GAREM1: variants seen among roughly 807,000 people sequenced by gnomAD.
The protein encoded by GAREM1 is GRB2 associated regulator of MAPK1 subtype 1.
In GAREM1, 26 loss-of-function variants were observed where a neutral mutation model predicts 71.3. The ratio of observed to expected loss-of-function variants is 0.36; its 90% CI spans 0.27 to 0.51. The LOEUF is 0.51. GAREM1 is among the 20% of genes least tolerant of loss of function. The pLI, the probability that GAREM1 is intolerant of heterozygous loss-of-function variation, is 0.95. For synonymous variants in GAREM1, 440 were observed against 433.2 expected, an observed-to-expected ratio of 1.02 and a Z score of -0.20; for missense variants, 1,026 against 1,103.1, an observed-to-expected ratio of 0.93 and a Z score of 0.99.
rs187927042 is a variant in GAREM1, at chr18:32,282,392, C to A, written c.1566+4639G>T. Among the ~76,000 whole-genome samples the A allele has an allele frequency of 3.5e-3, 534 of 152,268 alleles. 4 individuals are homozygous for A. The highest frequency in any genetic ancestry group is 0.012 in the African/African-American group (515 of 41,552). ...AGTGAGCCGAGATCGCACCACTGCG[C>A]TCCAGCCTGGTGACAGAGTTAGACT... On this transcript the variant is annotated intron_variant, in intron 4 of 5. Transcript: ENST00000269209.
chr18:32,446,430 G>A lies in GAREM1; in HGVS notation c.121+23878C>T, dbSNP rs192593573. ...CCTATAAACACAATTTCCATACAAT[G>A]TATTGCCCAATCCAAGACACTTCTG... is the stretch of plus-strand genomic sequence containing the variant. On this transcript the variant is annotated intron_variant, in intron 1 of 5. Transcript: ENST00000269209. Among the ~76,000 whole-genome samples, 421 of 152,254 alleles carry A rather than the reference G, an allele frequency of 2.8e-3. 2 individuals carry two copies. Among genetic ancestry groups the A allele is most frequent in the African/African-American group, 9.6e-3 (399 of 41,558 alleles).
In GAREM1 at chr18:32,268,783, C is replaced by A; in HGVS notation, c.1734-15G>T. 4 of 1,602,916 alleles carry A rather than the reference C, an allele frequency of 2.5e-6. No individual in the cohort carries two copies. The highest frequency in any genetic ancestry group is 2.6e-6 in the Non-Finnish European group (3 of 1,173,572). ...TAGTGACGCTGCTTAAAAGCAAACA[C>A]AGAAGGAGAAATCAGTTAAAAGAAA... is the stretch of plus-strand genomic sequence containing the variant. On this transcript the variant is annotated splice_polypyrimidine_tract_variant and intron_variant, in intron 5 of 5. Coordinates refer to ENST00000269209, the MANE Select transcript of GAREM1 (RefSeq NM_001242409.2).
Position 32,411,096 on chromosome 18 carries a change from C to T in GAREM1, c.122-18061G>A, listed in dbSNP as rs200740746. Among the ~76,000 whole-genome samples the T allele has an allele frequency of 5.3e-4, 80 of 152,328 alleles. 1 individual carries two copies. In the East Asian group the frequency reaches 0.014, roughly 26 times the overall value. ...GGGATTACAGGCATGAGCCACCGTG[C>T]CTGGTGACTTCGGTTTTATTTTCTT... On this transcript the variant is annotated intron_variant, in intron 1 of 5. Transcript: ENST00000269209.
intron 3 of GAREM1, among the ~76,000 whole-genome samples, chr18:32,307,003 A>C (rs2047262828): frequency 6.6e-6 from 1 of 152,232 alleles, no homozygotes; most frequent in Admixed American, 6.5e-5. Flanking sequence ...AATTAAAAAG[A>C]ATGTTTCATT....
At chr18:32,294,332 A>C (rs544970344) in intron 3 of GAREM1, among the ~76,000 whole-genome samples, 7 of 152,358 alleles carry the variant, frequency 4.6e-5, no homozygotes, top group Non-Finnish European at 1.0e-4. Context: ...GAAATGGGTA[A>C]AACAAATGTG....
intron 3 of GAREM1, among the ~76,000 whole-genome samples, chr18:32,305,093 A>G (rs2144508219): frequency 6.6e-6 from 1 of 152,270 alleles, no homozygotes; most frequent in South Asian, 2.1e-4. Flanking sequence ...AAGTAAACGA[A>G]AACAACATTC....
intron 2 of GAREM1, among the ~76,000 whole-genome samples, chr18:32,364,579 G>T (rs1188431860): frequency 6.6e-6 from 1 of 152,098 alleles, no homozygotes; most frequent in Non-Finnish European, 1.5e-5. Context: ...TAACAAACCT[G>T]CACAGCCTGC....
At chr18:32,401,570 T>C (rs1277147666) in intron 1 of GAREM1, among the ~76,000 whole-genome samples, 1 of 138,484 alleles carries the variant, frequency 7.2e-6, no homozygotes, top group African/African-American at 2.8e-5. Context: ...TGGGCTTAGA[T>C]AAGAGAGAGG....
At chr18:32,465,340 T>C (rs1204055482) in intron 1 of GAREM1, among the ~76,000 whole-genome samples, 1 of 152,172 alleles carries the variant, frequency 6.6e-6, no homozygotes, top group East Asian at 1.9e-4. Flanking sequence ...GAGAAAGACC[T>C]CTGATGTTTA....
chr18:32,357,250 G>A (rs2047815457), intron 2 of GAREM1, among the ~76,000 whole-genome samples: 1 of 152,200 alleles, frequency 6.6e-6, no homozygotes, highest in South Asian at 2.1e-4. Flanking sequence ...GCCGAAGCAG[G>A]AGGATCACTT....
At chr18:32,446,093 A>G (rs1207833430) in intron 1 of GAREM1, among the ~76,000 whole-genome samples, 3 of 152,212 alleles carry the variant, frequency 2.0e-5, no homozygotes, top group African/African-American at 7.2e-5. Flanking sequence ...AGAGCTGTGC[A>G]GCAGAAATCT....
intron 1 of GAREM1, among the ~76,000 whole-genome samples, chr18:32,424,921 C>T (rs545452211): frequency 2.0e-5 from 3 of 152,258 alleles, no homozygotes; most frequent in African/African-American, 4.8e-5. Context: ...ACAACATCCA[C>T]AGAGGCCAGC....
At chr18:32,463,561 T>A (rs1340970404) in intron 1 of GAREM1, among the ~76,000 whole-genome samples, 2 of 147,590 alleles carry the variant, frequency 1.4e-5, no homozygotes, top group Non-Finnish European at 3.0e-5. Flanking sequence ...GAGAGTTTTT[T>A]AAATCACTTT....
At chr18:32,407,297 G>A (rs1050131356) in intron 1 of GAREM1, among the ~76,000 whole-genome samples, 1 of 152,142 alleles carries the variant, frequency 6.6e-6, no homozygotes, top group South Asian at 2.1e-4. Flanking sequence ...GCCTGTCTCA[G>A]GGCCAATGGT....
In GAREM1 at chr18:32,412,560, C is replaced by T. The variant is rs547768759; in HGVS notation, c.122-19525G>A. ...GTCATTCCCACCGAAACCACCTCCA[C>T]GACCACCACCAAAGTTTCCAGAACC... On this transcript the variant is annotated intron_variant, in intron 1 of 5. Coordinates refer to ENST00000269209, the MANE Select transcript of GAREM1 (RefSeq NM_001242409.2). 15 of 1,595,604 alleles carry T rather than the reference C, an allele frequency of 9.4e-6. No homozygotes were observed. The South Asian group carries it at 9.9e-5, about 11-fold the overall frequency.
intron 1 of GAREM1, among the ~76,000 whole-genome samples, chr18:32,407,838 T>A (rs953224187): frequency 1.3e-5 from 2 of 152,114 alleles, no homozygotes; most frequent in African/African-American, 2.4e-5. Flanking sequence ...TAGACTTCAC[T>A]TTGGGTCTCT....
At chr18:32,445,082 G>A (rs1467447494) in intron 1 of GAREM1, among the ~76,000 whole-genome samples, 1 of 151,900 alleles carries the variant, frequency 6.6e-6, no homozygotes, top group Non-Finnish European at 1.5e-5. Flanking sequence ...ACAACCAACT[G>A]GGGTACATCT....
intron 2 of GAREM1, among the ~76,000 whole-genome samples, chr18:32,318,967 A>C (rs113476837): frequency 0.024 from 3,600 of 152,332 alleles, 46 homozygotes; most frequent in Non-Finnish European, 0.038. Flanking sequence ...AAAAAGATTA[A>C]GGAAAAGGAA....
chr18:32,392,366 A>C (rs2048211092), intron 2 of GAREM1, among the ~76,000 whole-genome samples: 1 of 152,206 alleles, frequency 6.6e-6, no homozygotes, highest in Non-Finnish European at 1.5e-5. Flanking sequence ...TGAGGTGAGA[A>C]GGCAGGTATT....
Sources: allele counts gnomAD v4.1 joint callset (sites outside exome capture counted in the v4.1 genomes callset), GRCh38; gene constraint gnomAD v4.1.1; transcripts MANE v1.5; gene names NCBI Gene and HGNC (gene_info 2026-07-23, HGNC 2026-07-21).